The following MAGI2 variants were observed in gnomAD, a reference collection of about 807,000 sequenced individuals.
The protein encoded by MAGI2 is membrane associated guanylate kinase, WW and PDZ domain containing 2.
MAGI2 carries 35 observed loss-of-function variants against 133.3 expected under a neutral mutation model. The ratio of observed to expected loss-of-function variants is 0.26; its 90% CI spans 0.20 to 0.35. The LOEUF (loss-of-function observed/expected upper bound fraction) is 0.35. Ranked by LOEUF, MAGI2 falls within the 10% of genes least tolerant of loss-of-function variation. The probability of loss-of-function intolerance (pLI) is 1.00; values close to 1 mark genes in which losing one functional copy is unlikely to be tolerated. For synonymous variants in MAGI2, 729 were observed against 710.6 expected (o/e 1.03, Z -0.41); for missense variants, 1,636 against 1,863.4 (o/e 0.88, Z 2.25).
intron 2 of MAGI2, among the ~76,000 whole-genome samples, chr7:78,728,643 G>A (rs1370479599): frequency 2.3e-5 from 2 of 87,200 alleles, no homozygotes. Context: ...TCGGCTCAGT[G>A]CAAGCTCCGC....
intron 1 of MAGI2, among the ~76,000 whole-genome samples, chr7:79,216,332 C>T (rs770522721): frequency 2.6e-5 from 4 of 151,878 alleles, no homozygotes; most frequent in Non-Finnish European, 4.4e-5. Context: ...TCAATCAAAC[C>T]CCTGCATTCA....
At chr7:78,417,342 G>C (rs1798392702) in intron 6 of MAGI2, among the ~76,000 whole-genome samples, 2 of 151,506 alleles carry the variant, frequency 1.3e-5, no homozygotes, top group Non-Finnish European at 1.5e-5. Flanking sequence ...GCTCTGAGCT[G>C]TTCACTCATG....
intron 3 of MAGI2, among the ~76,000 whole-genome samples, chr7:78,524,918 A>G (rs1023791080): frequency 3.3e-5 from 5 of 151,780 alleles, no homozygotes; most frequent in Non-Finnish European, 4.4e-5. Context: ...CCTTTAATAC[A>G]TAGTACTAAG....
chr7:78,210,395 A>G (rs2150799299), intron 10 of MAGI2, among the ~76,000 whole-genome samples: 1 of 152,266 alleles, frequency 6.6e-6, no homozygotes, highest in Middle Eastern at 3.4e-3. Flanking sequence ...AAGTACTATA[A>G]AGGAGAAGAT....
intron 9 of MAGI2, among the ~76,000 whole-genome samples, chr7:78,291,056 AG>A (rs1459153435): frequency 6.6e-6 from 1 of 152,248 alleles, no homozygotes; most frequent in Admixed American, 6.5e-5. Flanking sequence ...CACATTCAAA[AG>A]TTAGCAGAAG....
intron 3 of MAGI2, among the ~76,000 whole-genome samples, chr7:78,582,687 G>A (rs2150814872): frequency 6.6e-6 from 1 of 152,276 alleles, no homozygotes; most frequent in South Asian, 2.1e-4. Flanking sequence ...TTTTTATTGG[G>A]TTAAAACATT....
At chr7:78,036,148 A>G (rs1366647366) in intron 21 of MAGI2, among the ~76,000 whole-genome samples, 3 of 152,180 alleles carry the variant, frequency 2.0e-5, no homozygotes, top group Admixed American at 6.5e-5. Flanking sequence ...CCACTTCAGT[A>G]GCTGACTTTG....
intron 3 of MAGI2, among the ~76,000 whole-genome samples, chr7:78,544,402 A>T (rs1798648826): frequency 6.6e-6 from 1 of 152,202 alleles, no homozygotes; most frequent in Non-Finnish European, 1.5e-5. Context: ...TTTAGATGGG[A>T]GCAGCCAAAA....
intron 3 of MAGI2, among the ~76,000 whole-genome samples, chr7:78,531,929 C>CT (rs1797506881): frequency 6.6e-6 from 1 of 152,204 alleles, no homozygotes; most frequent in African/African-American, 2.4e-5. Context: ...TATCAAATCT[C>CT]TAACCCTCAG....
intron 3 of MAGI2, among the ~76,000 whole-genome samples, chr7:78,588,734 G>T (rs1803678727): frequency 6.6e-6 from 1 of 152,146 alleles, no homozygotes; most frequent in Non-Finnish European, 1.5e-5. Context: ...TCAACAGGGA[G>T]AATTTGCCAT....
At chr7:79,145,634 T>C in intron 1 of MAGI2, among the ~76,000 whole-genome samples, 1 of 152,108 alleles carries the variant, frequency 6.6e-6, no homozygotes, top group South Asian at 2.1e-4. Flanking sequence ...AGAGAACCAA[T>C]GCTCGTGTTC....
intron 9 of MAGI2, among the ~76,000 whole-genome samples, chr7:78,264,776 G>A (rs1793836036): frequency 6.6e-6 from 1 of 152,142 alleles, no homozygotes; most frequent in African/African-American, 2.4e-5. Context: ...CAACTTCTAA[G>A]GTGCAGCTTT....
chr7:78,338,275 A>G (rs1789986297), intron 9 of MAGI2, among the ~76,000 whole-genome samples: 1 of 152,110 alleles, frequency 6.6e-6, no homozygotes, highest in African/African-American at 2.4e-5. Flanking sequence ...TTTTCTAGGC[A>G]TTTCTCACTA....
intron 1 of MAGI2, among the ~76,000 whole-genome samples, chr7:79,423,341 G>A (rs1228089377): frequency 1.3e-5 from 2 of 151,920 alleles, no homozygotes; most frequent in Admixed American, 1.3e-4. Context: ...GAAACAGTCA[G>A]CAATTTGCCC....
chr7:78,130,775 T>C (rs1821485689), intron 18 of MAGI2, among the ~76,000 whole-genome samples: 1 of 152,218 alleles, frequency 6.6e-6, no homozygotes, highest in African/African-American at 2.4e-5. Flanking sequence ...TGGGCAAATA[T>C]GTTGGTGACT....
At chr7:78,588,041 T>C (rs969027965) in intron 3 of MAGI2, among the ~76,000 whole-genome samples, 1 of 152,160 alleles carries the variant, frequency 6.6e-6, no homozygotes, top group African/African-American at 2.4e-5. Flanking sequence ...CAAGGAATCT[T>C]TGTGAAACTT....
intron 1 of MAGI2, among the ~76,000 whole-genome samples, chr7:79,319,157 T>C (rs1018948909): frequency 2.0e-5 from 3 of 152,168 alleles, no homozygotes; most frequent in African/African-American, 7.2e-5. Context: ...CATTTGACTA[T>C]CTACCCTCAG....
chr7:78,945,537 G>C (rs1801347985), intron 2 of MAGI2, among the ~76,000 whole-genome samples: 1 of 152,102 alleles, frequency 6.6e-6, no homozygotes, highest in East Asian at 1.9e-4. Flanking sequence ...ACATTTTCAA[G>C]AATACAATAT....
chr7:79,335,478 A>G (rs1319188178), intron 1 of MAGI2, among the ~76,000 whole-genome samples: 2 of 152,092 alleles, frequency 1.3e-5, no homozygotes, highest in African/African-American at 4.8e-5. Flanking sequence ...TATAAAGGAA[A>G]GGCAAGATAT....
Sources: allele counts gnomAD v4.1 joint callset (sites outside exome capture counted in the v4.1 genomes callset), GRCh38; gene constraint gnomAD v4.1.1; transcripts MANE v1.5; gene names NCBI Gene and HGNC (gene_info 2026-07-23, HGNC 2026-07-21).